PIN4: variants seen among roughly 807,000 people sequenced by gnomAD.
The protein encoded by PIN4 is peptidylprolyl cis/trans isomerase, NIMA-interacting 4.
Under a neutral mutation model 8.3 loss-of-function variants are expected in PIN4, and 3 were observed. That is an observed-to-expected ratio of 0.36 (90% CI 0.16 to 0.93). The LOEUF (loss-of-function observed/expected upper bound fraction) is 0.93, where lower values mean the gene tolerates loss of function less well. Among genes scored for constraint, PIN4 ranks in the 40% least tolerant of loss-of-function variants. The pLI is 0.44. For missense variants in PIN4, 75 were observed against 100.6 expected (o/e 0.75, Z 1.09); for synonymous variants, 18 against 32.5 (o/e 0.55, Z 1.52).
intron 3 of PIN4, chrX:72,205,199 G>T: frequency 8.3e-7 from 1 of 1,211,346 alleles, no homozygotes; most frequent in Non-Finnish European, 1.1e-6. Flanking sequence ...GCCTTATCCT[G>T]GGGAGAACCA....
intron 2 of PIN4, among the ~76,000 whole-genome samples, chrX:72,187,199 C>G (rs2042708027): frequency 8.9e-6 from 1 of 111,997 alleles, no homozygotes; most frequent in African/African-American, 3.2e-5. Flanking sequence ...GGGTGCAGGT[C>G]TCTTTAGAAA....
At chrX:72,261,331 C>T (rs1184936001) in intron 3 of PIN4, among the ~76,000 whole-genome samples, 1 of 106,451 alleles carries the variant, frequency 9.4e-6, no homozygotes, top group Non-Finnish European at 1.9e-5. Flanking sequence ...ATCTGGGTGT[C>T]GACCCCCCTG....
chrX:72,230,512 G>A lies in PIN4; in HGVS notation c.313-32195G>A, dbSNP rs148713341. On this transcript the variant is annotated intron_variant, in intron 3 of 3. Coordinates refer to the PIN4 transcript ENST00000423432. ...GAGAAAGCACTCCTGACCAAAAATC[G>A]GCCAGAAGCCCCTCTCAGGTTTTAT... Among the ~76,000 whole-genome samples the A allele has an allele frequency of 2.9e-3, 325 of 112,144 alleles. 1 individual carries two copies. The highest frequency in any genetic ancestry group is 5.2e-3 in the Non-Finnish European group (277 of 53,176).
At chrX:72,260,463 C>G (rs1032474975) in intron 3 of PIN4, among the ~76,000 whole-genome samples, 2 of 111,858 alleles carry the variant, frequency 1.8e-5, no homozygotes, top group Non-Finnish European at 3.8e-5. Context: ...ATCCTTGGCC[C>G]TTGCCTATCT....
intron 3 of PIN4, among the ~76,000 whole-genome samples, chrX:72,254,301 T>G (rs192488404): frequency 3.9e-4 from 44 of 111,913 alleles, no homozygotes; most frequent in African/African-American, 8.8e-4. Context: ...CATGGCTGGC[T>G]CCTTCTTATC....
chrX:72,263,767 G>A (rs370116044), exon 4 of PIN4: 1 of 111,542 alleles, frequency 9.0e-6, no homozygotes, highest in East Asian at 2.8e-4. Context: ...CCCATGTGAG[G>A]GGTACTGAGG....
chrX:72,219,210 C>G (rs1460185214), intron 3 of PIN4, among the ~76,000 whole-genome samples: 2 of 109,475 alleles, frequency 1.8e-5, no homozygotes, highest in Admixed American at 2.0e-4. Context: ...GAGCAGAGAT[C>G]GCGCCATTGC....
intron 3 of PIN4, chrX:72,206,199 T>C (rs749362238): frequency 6.6e-6 from 8 of 1,211,561 alleles, no homozygotes; most frequent in Non-Finnish European, 6.7e-6. Context: ...CCTCTTGCAG[T>C]GCCTCTTGCT....
At chrX:72,193,531 T>C (rs1365483119) in intron 2 of PIN4, among the ~76,000 whole-genome samples, 1 of 110,330 alleles carries the variant, frequency 9.1e-6, no homozygotes, top group African/African-American at 3.3e-5. Flanking sequence ...TCTTAGTCTT[T>C]AATAAAAAAG....
chrX:72,213,384 G>C (rs1214774372), intron 3 of PIN4, among the ~76,000 whole-genome samples: 2 of 111,876 alleles, frequency 1.8e-5, no homozygotes, highest in Non-Finnish European at 3.8e-5. Context: ...GAGGGAAAAT[G>C]ATCGGGATAT....
At chrX:72,235,233 C>G (rs1041822130) in intron 3 of PIN4, among the ~76,000 whole-genome samples, 2 of 111,017 alleles carry the variant, frequency 1.8e-5, no homozygotes, top group Admixed American at 9.6e-5. Flanking sequence ...TCTGGAGGCT[C>G]TAGGGGGAGA....
chrX:72,181,936 G>C, intron 1 of PIN4, 108 bp downstream of exon 1: 1 of 535,813 alleles, frequency 1.9e-6, no homozygotes. Flanking sequence ...GTAGCCAGTG[G>C]CCCCACAGTG....
At chrX:72,214,995 C>T (rs1408901339) in intron 3 of PIN4, among the ~76,000 whole-genome samples, 1 of 111,527 alleles carries the variant, frequency 9.0e-6, no homozygotes, top group Non-Finnish European at 1.9e-5. Context: ...TCAAAACAAA[C>T]AAACAAACAA....
chrX:72,207,880 C>T, intron 3 of PIN4: 2 of 1,210,298 alleles, frequency 1.7e-6, no homozygotes, highest in Non-Finnish European at 2.2e-6. Flanking sequence ...CTCTCTTGCT[C>T]TAGTAATAGG....
intron 2 of PIN4, among the ~76,000 whole-genome samples, chrX:72,194,015 G>A (rs1465318686): frequency 8.9e-6 from 1 of 112,159 alleles, no homozygotes; most frequent in Non-Finnish European, 1.9e-5. Flanking sequence ...AATGTATAAA[G>A]TTAAAAAGAT....
At chrX:72,189,447 A>T (rs2042721009) in intron 2 of PIN4, among the ~76,000 whole-genome samples, 1 of 111,992 alleles carries the variant, frequency 8.9e-6, no homozygotes, top group African/African-American at 3.3e-5. Context: ...TATGAATGGA[A>T]TAATACAGTA....
At chrX:72,252,689 C>T (rs1602461442) in intron 3 of PIN4, among the ~76,000 whole-genome samples, 3 of 111,642 alleles carry the variant, frequency 2.7e-5, no homozygotes, top group South Asian at 7.5e-4. Context: ...CGCGCCCGGT[C>T]CCTCCAGGTC....
intron 3 of PIN4, among the ~76,000 whole-genome samples, chrX:72,258,809 A>C (rs141515840): frequency 0.073 from 8,093 of 110,785 alleles, 479 homozygotes; most frequent in East Asian, 0.48. Context: ...TGAGAGTAAG[A>C]CTCAGGGGCT....
chrX:72,203,370 C>T (rs1012313841), intron 3 of PIN4, among the ~76,000 whole-genome samples: 3 of 111,634 alleles, frequency 2.7e-5, no homozygotes, highest in Non-Finnish European at 3.8e-5. Context: ...TGGGATGGGA[C>T]GGTCATGGGA....
Sources: gnomAD v4.1 joint callset for allele counts (sites outside exome capture counted in the v4.1 genomes callset) on GRCh38, gnomAD v4.1.1 for gene constraint, MANE v1.5 for transcripts, NCBI Gene and HGNC (gene_info 2026-07-23, HGNC 2026-07-21) for gene names.